The following CADM2 variants were observed in gnomAD, a reference collection of about 807,000 sequenced individuals.
CADM2 encodes the protein immunoglobulin superfamily member 4D.
In CADM2, 12 loss-of-function variants were observed where a neutral mutation model predicts 49.8. The observed-to-expected ratio is 0.24, with a 90% CI of 0.15 to 0.39. CADM2 has a LOEUF of 0.39. Ranked by LOEUF, CADM2 falls within the 10% of genes least tolerant of loss-of-function variation. The probability of loss-of-function intolerance (pLI) is 1.00; values close to 1 mark genes in which losing one functional copy is unlikely to be tolerated. For missense variants in CADM2, 378 were observed against 492.3 expected (o/e 0.77, Z 2.20); for synonymous variants, 214 against 175.4 (o/e 1.22, Z -1.74).
chr3:85,840,567 A>T (rs896288974), intron 3 of CADM2, among the ~76,000 whole-genome samples: 13 of 151,934 alleles, frequency 8.6e-5, no homozygotes, highest in African/African-American at 2.9e-4. Flanking sequence ...CCCTCAATTC[A>T]ATTAAATAAG....
chr3:85,496,860 T>G (rs2039926440), intron 1 of CADM2, among the ~76,000 whole-genome samples: 1 of 152,210 alleles, frequency 6.6e-6, no homozygotes, highest in East Asian at 1.9e-4. Context: ...TTTTCTAATT[T>G]TTTAGATGGA....
At chr3:85,487,655 GAGGAGA>G (rs2107639493) in intron 1 of CADM2, among the ~76,000 whole-genome samples, 1 of 151,938 alleles carries the variant, frequency 6.6e-6, no homozygotes, top group East Asian at 1.9e-4. Context: ...GGAGGAGGAG[GAGGAGA>G]AGGAGAAAAC....
At chr3:85,706,540 T>C (rs926914136) in intron 1 of CADM2, among the ~76,000 whole-genome samples, 1 of 152,236 alleles carries the variant, frequency 6.6e-6, no homozygotes, top group African/African-American at 2.4e-5. Flanking sequence ...GTTGGTACCT[T>C]TGTATCAGAA....
intron 1 of CADM2, among the ~76,000 whole-genome samples, chr3:85,419,901 G>A (rs1403295316): frequency 1.3e-5 from 2 of 152,094 alleles, no homozygotes; most frequent in African/African-American, 2.4e-5. Context: ...CCATCCACGG[G>A]CATTCTGATT....
chr3:85,669,264 G>T (rs1195037848), intron 1 of CADM2, among the ~76,000 whole-genome samples: 1 of 152,066 alleles, frequency 6.6e-6, no homozygotes, highest in Non-Finnish European at 1.5e-5. Context: ...ATTATTTGCA[G>T]CAGAAAGCAC....
chr3:85,959,146 A>ATCTCTCTC (rs1157977118), intron 7 of CADM2, among the ~76,000 whole-genome samples: 116 of 71,978 alleles, frequency 1.6e-3, no homozygotes, highest in Middle Eastern at 7.5e-3. Context: ...ATCTTTATCT[A>ATCTCTCTC]TCTATCTCTC....
rs368116862 is a variant in CADM2 at position 85,253,011 on chromosome 3, C to T, written c.61+293343C>T. Among the ~76,000 whole-genome samples the T allele has an allele frequency of 1.8e-3, 273 of 152,148 alleles. 1 individual carries two copies. The highest frequency in any genetic ancestry group is 6.3e-3 in the African/African-American group (262 of 41,542). ...TACAATAAAAAAAGTTTGAACTCTA[C>T]TAATGATTACAGTAAGTCTTCACAG... On this transcript the variant is annotated intron_variant, in intron 1 of 9. Coordinates refer to ENST00000383699, the MANE Select transcript of CADM2 (RefSeq NM_001167675.2).
chr3:85,912,146 C>T (rs536114151), intron 5 of CADM2, among the ~76,000 whole-genome samples: 2 of 151,734 alleles, frequency 1.3e-5, no homozygotes, highest in South Asian at 2.1e-4. Flanking sequence ...GGGGTTTCAC[C>T]GTGTTAGCCA....
intron 3 of CADM2, among the ~76,000 whole-genome samples, chr3:85,845,839 C>G (rs2074856206): frequency 6.6e-6 from 1 of 152,056 alleles, no homozygotes; most frequent in South Asian, 2.1e-4. Flanking sequence ...GTTTAGAAAT[C>G]TGAATGGAAT....
intron 1 of CADM2, among the ~76,000 whole-genome samples, chr3:85,327,027 C>T (rs1049015199): frequency 6.6e-6 from 1 of 151,662 alleles, no homozygotes; most frequent in African/African-American, 2.4e-5. Flanking sequence ...GTCACAGAAT[C>T]TTAATGTGTC....
chr3:86,034,378 T>C (rs1348527040), intron 8 of CADM2, among the ~76,000 whole-genome samples: 1 of 151,912 alleles, frequency 6.6e-6, no homozygotes, highest in Non-Finnish European at 1.5e-5. Context: ...AATTAGTGCT[T>C]GTATAAAGGG....
intron 1 of CADM2, among the ~76,000 whole-genome samples, chr3:85,166,020 G>A (rs1341814494): frequency 6.6e-6 from 1 of 151,456 alleles, no homozygotes; most frequent in Non-Finnish European, 1.5e-5. Flanking sequence ...GTTTTGTCAA[G>A]TAAATTCTAT....
At chr3:85,972,120 G>A (rs1726229443) in intron 8 of CADM2, among the ~76,000 whole-genome samples, 1 of 151,516 alleles carries the variant, frequency 6.6e-6, no homozygotes, top group Non-Finnish European at 1.5e-5. Flanking sequence ...TAAGAGCTTT[G>A]GTGCTGTTAT....
intron 1 of CADM2, among the ~76,000 whole-genome samples, chr3:85,400,291 G>A (rs2035031650): frequency 6.6e-6 from 1 of 152,148 alleles, no homozygotes; most frequent in Non-Finnish European, 1.5e-5. Context: ...GCATCCCAGG[G>A]ACGAAGCCCA....
chr3:85,804,875 T>G (rs1005163803), intron 3 of CADM2, among the ~76,000 whole-genome samples: 3 of 152,198 alleles, frequency 2.0e-5, no homozygotes, highest in African/African-American at 7.2e-5. Context: ...TGGTAATATA[T>G]TCCTGCATCT....
chr3:85,026,621 T>A (rs2034739972), intron 1 of CADM2, among the ~76,000 whole-genome samples: 1 of 152,084 alleles, frequency 6.6e-6, no homozygotes. Flanking sequence ...TAAGAGAAAT[T>A]GAGAACAAAA....
chr3:85,744,729 G>A (rs1406827048), intron 2 of CADM2, among the ~76,000 whole-genome samples: 1 of 151,928 alleles, frequency 6.6e-6, no homozygotes, highest in African/African-American at 2.4e-5. Context: ...CAAGGGGTCT[G>A]GAATGGGTGA....
intron 2 of CADM2, among the ~76,000 whole-genome samples, chr3:85,741,613 A>G (rs1002814340): frequency 2.6e-5 from 4 of 152,190 alleles, no homozygotes; most frequent in Non-Finnish European, 5.9e-5. Context: ...GGTTGCAGTG[A>G]GCCGAGATCG....
chr3:85,128,738 A>C lies in CADM2; in HGVS notation c.61+169070A>C, dbSNP rs780361436. Reference sequence around the variant, plus strand: ...TTACTACCTATGGGACAGGTTAAATAAACATGTTAAGGCTAAATTATGTGG... The same window carrying C: ...TTACTACCTATGGGACAGGTTAAATCAACATGTTAAGGCTAAATTATGTGG... On this transcript the variant is annotated intron_variant, in intron 1 of 9. Transcript: ENST00000383699. Among the ~76,000 whole-genome samples the C allele has an allele frequency of 1.5e-4, 23 of 152,336 alleles. 1 individual carries two copies. Among genetic ancestry groups the C allele is most frequent in the South Asian group, 8.3e-4 (4 of 4,832 alleles).
Sources: gnomAD v4.1 joint callset for allele counts (sites outside exome capture counted in the v4.1 genomes callset) on GRCh38, gnomAD v4.1.1 for gene constraint, MANE v1.5 for transcripts, NCBI Gene and HGNC (gene_info 2026-07-23, HGNC 2026-07-21) for gene names.